Variants in TSPEAR observed in about 807,000 individuals in gnomAD.
TSPEAR encodes thrombospondin-type laminin G domain and EAR repeat-containing protein.
In TSPEAR, 69 loss-of-function variants were observed where a neutral mutation model predicts 71.6. The ratio of observed to expected loss-of-function variants is 0.96; its 90% CI spans 0.79 to 1.18. TSPEAR has a LOEUF of 1.18. Ranked by LOEUF, TSPEAR falls within the 50% of genes most tolerant of loss-of-function variation. TSPEAR has a pLI of 0.00. For missense variants in TSPEAR, 971 were observed against 894.9 expected (o/e 1.09, Z -1.09); for synonymous variants, 402 against 387.2 (o/e 1.04, Z -0.45).
chr21:44,540,195 A>C lies in TSPEAR; in HGVS notation c.304-6272T>G, dbSNP rs781937505. On this transcript the variant is annotated intron_variant, in intron 2 of 11. Coordinates refer to ENST00000323084, the MANE Select transcript of TSPEAR (RefSeq NM_144991.3). Reference sequence around the variant, plus strand: ...GAGCTGCGGGAGGTGTGAGTGAGTGAGTGTGGGAGTCAGTGTGTGTGTGAG... The same window carrying C: ...GAGCTGCGGGAGGTGTGAGTGAGTGCGTGTGGGAGTCAGTGTGTGTGTGAG... 8.8e-6 allele frequency: 14 copies of C among 1,592,190 alleles called. No individual in the cohort carries two copies. The African/African-American group carries it at 1.5e-4, about 17-fold the overall frequency.
chr21:44,688,584 G>A (rs1405272931), intron 1 of TSPEAR, among the ~76,000 whole-genome samples: 2 of 152,176 alleles, frequency 1.3e-5, no homozygotes, highest in African/African-American at 4.8e-5. Context: ...GCCGGGTATG[G>A]TGGCGGGCGC....
chr21:44,627,302 C>G lies in TSPEAR; in HGVS notation c.83-59297G>C, dbSNP rs199660261. ...TGCTGCGCCCCGGCCCCCTGCCTGA[C>G]CCTGGTCTGCACCCCAGTGAGCCGT... On this transcript the variant is annotated intron_variant, in intron 1 of 11. Transcript: ENST00000323084. 8.1e-5 allele frequency: 130 copies of G among 1,612,744 alleles called. No homozygotes were observed. The highest frequency in any genetic ancestry group is 2.7e-4 in the African/African-American group (20 of 75,004).
chr21:44,625,374 C>T (rs1344295992), intron 1 of TSPEAR, among the ~76,000 whole-genome samples: 1 of 152,224 alleles, frequency 6.6e-6, no homozygotes, highest in Non-Finnish European at 1.5e-5. Flanking sequence ...AGGAGGATCA[C>T]TTGAGCCCAG....
At chr21:44,604,682 G>GCTTT (rs1364702106) in intron 1 of TSPEAR, among the ~76,000 whole-genome samples, 2 of 152,242 alleles carry the variant, frequency 1.3e-5, no homozygotes, top group African/African-American at 4.8e-5. Context: ...TAGAGAAAGA[G>GCTTT]CTTTCAGCTT....
intron 2 of TSPEAR, chr21:44,558,471 T>G: frequency 3.1e-6 from 5 of 1,614,044 alleles, no homozygotes; most frequent in Non-Finnish European, 4.2e-6. Context: ...GCAGCTAGAC[T>G]GCTGGCAGCA....
chr21:44,643,885 C>T (rs1417013208), intron 1 of TSPEAR, among the ~76,000 whole-genome samples: 1 of 152,246 alleles, frequency 6.6e-6, no homozygotes, highest in Non-Finnish European at 1.5e-5. Flanking sequence ...ACTTTGGAAA[C>T]AAGACCAGAG....
At chr21:44,634,495 CA>C (rs1488749010) in intron 1 of TSPEAR, among the ~76,000 whole-genome samples, 2 of 152,066 alleles carry the variant, frequency 1.3e-5, no homozygotes, top group African/African-American at 4.8e-5. Context: ...TGGATGTCAT[CA>C]AAATTAAAAA....
In TSPEAR at chr21:44,637,314, C is replaced by T; in HGVS notation, c.83-69309G>A. 17 of 1,459,288 alleles carry T rather than the reference C, an allele frequency of 1.2e-5. No individual in the cohort carries two copies. In the South Asian group the frequency reaches 1.5e-4, roughly 12 times the overall value. The allele number at this position is 1,459,288 out of a possible 1,614,324, so 90.4% of individuals were successfully genotyped here. A position where few individuals can be genotyped will look rare whatever the true frequency, so the allele number is the denominator to read the frequency against. On this transcript the variant is annotated intron_variant, in intron 1 of 11. Coordinates refer to ENST00000323084, the MANE Select transcript of TSPEAR (RefSeq NM_144991.3). ...GTCTCCTGCTGGGAAAACACAGGCC[C>T]TGGGCATATAAAAGCCCCAGCAGCT...
chr21:44,627,953 A>G (rs1445443837), intron 1 of TSPEAR: 62 of 1,516,004 alleles, frequency 4.1e-5, no homozygotes, highest in Non-Finnish European at 5.6e-5. Flanking sequence ...CAGCCCAGCT[A>G]TTGCCGCCAG....
chr21:44,614,488 G>T (rs1237456886), intron 1 of TSPEAR, among the ~76,000 whole-genome samples: 3 of 152,230 alleles, frequency 2.0e-5, no homozygotes, highest in Non-Finnish European at 4.4e-5. Context: ...CAGGGCCCAG[G>T]CGAGGGTGGA....
intron 1 of TSPEAR, among the ~76,000 whole-genome samples, chr21:44,650,051 A>T (rs1287368483): frequency 7.2e-5 from 11 of 152,122 alleles, no homozygotes; most frequent in Middle Eastern, 3.2e-3. Flanking sequence ...GTGAGACCCC[A>T]TCTCCACAGA....
chr21:44,521,994 C>A lies in TSPEAR; in HGVS notation c.1455G>T (p.Gly485=). The A allele has an allele frequency of 1.9e-6, 3 of 1,614,150 alleles. No individual in the cohort carries two copies. The highest frequency in any genetic ancestry group is 2.5e-6 in the Non-Finnish European group (3 of 1,180,014). Residue 485 remains glycine (G), a synonymous_variant, in exon 9 of 12, where the codon GGG becomes GGT. Coordinates refer to ENST00000323084, the MANE Select transcript of TSPEAR (RefSeq NM_144991.3). ...GAYDWEFFSV[G]PYSFLVVANT... is the part of the protein sequence containing the mutation. ...TGGCCACCACCAGGAACGAGTAGGGCCCCACACTGAAGAACTCCCAGTCGT... is the reference window on the plus strand; with the variant it reads ...TGGCCACCACCAGGAACGAGTAGGGACCCACACTGAAGAACTCCCAGTCGT...
chr21:44,515,225 T>C (rs1375491196), intron 9 of TSPEAR, among the ~76,000 whole-genome samples: 2 of 152,250 alleles, frequency 1.3e-5, no homozygotes, highest in African/African-American at 4.8e-5. Context: ...TGGCAAAACA[T>C]GAAAGTGGGC....
At chr21:44,652,394 C>T (rs782172385) in intron 1 of TSPEAR, among the ~76,000 whole-genome samples, 28 of 152,152 alleles carry the variant, frequency 1.8e-4, no homozygotes, top group African/African-American at 6.0e-4. Flanking sequence ...CCCAGCACCC[C>T]GGTACCAGCA....
At chr21:44,531,019 G>A (rs2052959088) in intron 4 of TSPEAR, 24 bp downstream of exon 4, 1 of 1,598,766 alleles carries the variant, frequency 6.3e-7, no homozygotes, top group African/African-American at 1.3e-5. Flanking sequence ...ACGGGTGTTG[G>A]GAAGGCAGCC....
rs1424867168 is a variant in TSPEAR, at chr21:44,627,871, C to T, written c.83-59866G>A. The T allele has an allele frequency of 5.0e-6, 8 of 1,612,448 alleles. No homozygotes were observed. In the African/African-American group the frequency reaches 8.0e-5, roughly 16 times the overall value. On this transcript the variant is annotated intron_variant, in intron 1 of 11. Coordinates refer to ENST00000323084, the MANE Select transcript of TSPEAR (RefSeq NM_144991.3). Reference sequence around the variant, plus strand: ...CAGACCCTCCTCCTCTGTGTCCCTCCTCTGCCGCCCTGTGTGCAGGCCCGC... The same window carrying T: ...CAGACCCTCCTCCTCTGTGTCCCTCTTCTGCCGCCCTGTGTGCAGGCCCGC...
intron 2 of TSPEAR, among the ~76,000 whole-genome samples, chr21:44,540,619 G>T (rs950447671): frequency 2.4e-4 from 37 of 152,226 alleles, no homozygotes; most frequent in African/African-American, 8.7e-4. Context: ...TGAAGAGGCA[G>T]AAGCAGCTGG....
chr21:44,551,478 G>A (rs587726513), intron 2 of TSPEAR: 8 of 1,591,930 alleles, frequency 5.0e-6, no homozygotes, highest in Admixed American at 1.7e-5. Context: ...GGGAGGAGGT[G>A]AGCTGGGGGA....
At chr21:44,613,682 A>C (rs1299289049) in intron 1 of TSPEAR, among the ~76,000 whole-genome samples, 4 of 152,108 alleles carry the variant, frequency 2.6e-5, no homozygotes, top group African/African-American at 9.7e-5. Context: ...GAACAAAAGC[A>C]TCATGGACTG....
Sources: allele counts gnomAD v4.1 joint callset (sites outside exome capture counted in the v4.1 genomes callset), GRCh38; gene constraint gnomAD v4.1.1; transcripts MANE v1.5; gene names NCBI Gene and HGNC (gene_info 2026-07-23, HGNC 2026-07-21).